Variants in CAMSAP2 observed in about 807,000 individuals in gnomAD.
CAMSAP2 encodes the protein calmodulin regulated spectrin associated protein family member 2, also known as calmodulin-regulated spectrin-associated protein 2.
CAMSAP2 carries 26 observed loss-of-function variants against 146.1 expected under a neutral mutation model. That is an observed-to-expected ratio of 0.18 (90% CI 0.13 to 0.25). CAMSAP2 has a LOEUF of 0.25. Ranked by LOEUF, CAMSAP2 falls within the 10% of genes least tolerant of loss-of-function variation. CAMSAP2 has a pLI of 1.00. For missense variants in CAMSAP2, 1,381 were observed against 1,759.3 expected (o/e 0.78, Z 3.85); for synonymous variants, 499 against 596.6 (o/e 0.84, Z 2.38).
chr1:200,801,992 G>T (rs912878499), intron 2 of CAMSAP2, among the ~76,000 whole-genome samples: 3 of 152,168 alleles, frequency 2.0e-5, no homozygotes, highest in Non-Finnish European at 4.4e-5. Flanking sequence ...GTAATACTAT[G>T]GTGGCAATAG....
intron 7 of CAMSAP2, among the ~76,000 whole-genome samples, chr1:200,843,363 A>G (rs60302916): frequency 0.17 from 26,101 of 152,156 alleles, 2,987 homozygotes; most frequent in East Asian, 0.35. Context: ...AATCTGTGAA[A>G]TAAGCAATAA....
At position 200,757,433 on chromosome 1, in the gene CAMSAP2, A is replaced by G. The variant is rs183697786; in HGVS notation, c.140-3406A>G. 4.9e-3 allele frequency among the ~76,000 whole-genome samples: 740 copies of G among 152,344 alleles called. 1 individual carries two copies. Among genetic ancestry groups the G allele is most frequent in the Non-Finnish European group, 7.3e-3 (495 of 68,028 alleles). The stretch of plus-strand genomic sequence containing the variant: ...TTATGTTCTGCTTAAGTCATGGTAT[A>G]CAAGAAAAACTCATCTCATATCCTT... On this transcript the variant is annotated intron_variant, in intron 1 of 16. Coordinates refer to ENST00000358823, the MANE Select transcript of CAMSAP2 (RefSeq NM_203459.4).
At chr1:200,741,018 G>T (rs1664156574) in intron 1 of CAMSAP2, among the ~76,000 whole-genome samples, 1 of 152,246 alleles carries the variant, frequency 6.6e-6, no homozygotes, top group Admixed American at 6.5e-5. Flanking sequence ...TTCAGGGGGA[G>T]GGTGACTAAT....
intron 2 of CAMSAP2, among the ~76,000 whole-genome samples, chr1:200,788,379 C>T (rs1166986712): frequency 1.3e-5 from 2 of 152,136 alleles, no homozygotes; most frequent in Non-Finnish European, 2.9e-5. Context: ...AAGTTTTCAG[C>T]TCCTATAGGT....
chr1:200,765,753 A>G (rs946003318), intron 2 of CAMSAP2, among the ~76,000 whole-genome samples: 6 of 152,192 alleles, frequency 3.9e-5, no homozygotes, highest in African/African-American at 1.4e-4. Flanking sequence ...ATGGGATTTC[A>G]GTAGTTGGGA....
At chr1:200,773,639 G>A (rs992880913) in intron 2 of CAMSAP2, among the ~76,000 whole-genome samples, 4 of 152,078 alleles carry the variant, frequency 2.6e-5, no homozygotes, top group Admixed American at 6.6e-5. Flanking sequence ...GTAAGTTAGC[G>A]TCAGTGTCTG....
chr1:200,806,793 C>G (rs1452264508), intron 2 of CAMSAP2, among the ~76,000 whole-genome samples: 2 of 151,240 alleles, frequency 1.3e-5, no homozygotes, highest in Non-Finnish European at 2.9e-5. Context: ...ATCTATCTAT[C>G]TATCTATCTA....
At chr1:200,822,492 A>G (rs1454734098) in intron 4 of CAMSAP2, among the ~76,000 whole-genome samples, 2 of 152,076 alleles carry the variant, frequency 1.3e-5, no homozygotes, top group Admixed American at 6.5e-5. Context: ...TTTCCTCATT[A>G]TTAGATGAAG....
Position 200,739,352 on chromosome 1 carries a change from G to A in CAMSAP2, c.-476G>A, listed in dbSNP as rs1281323582. On this transcript the variant is annotated 5_prime_UTR_variant, in exon 1 of 17. Transcript: ENST00000358823. The surrounding 1 kb of genome is among the most constrained non-coding windows in gnomAD (Gnocchi z 4.8). The stretch of plus-strand genomic sequence containing the variant: ...CCCCGCTCCGAGGGAAGGGGAGAGG[G>A]AGGCGAGGGCGTGCGGGCATCGCGA... Among the ~76,000 whole-genome samples, 1 of 152,182 alleles carries A rather than the reference G, an allele frequency of 6.6e-6. No homozygotes were observed. Among genetic ancestry groups the A allele is most frequent in the African/African-American group, 2.4e-5 (1 of 41,448 alleles).
intron 15 of CAMSAP2, among the ~76,000 whole-genome samples, chr1:200,856,420 C>T (rs1667754189): frequency 6.6e-6 from 1 of 152,180 alleles, no homozygotes; most frequent in African/African-American, 2.4e-5. Context: ...GGCTAGAATC[C>T]ACCAAGTCCT....
At chr1:200,780,630 G>T (rs1363243357) in intron 2 of CAMSAP2, among the ~76,000 whole-genome samples, 1 of 152,168 alleles carries the variant, frequency 6.6e-6, no homozygotes, top group Non-Finnish European at 1.5e-5. Flanking sequence ...CACCTCTAAG[G>T]CATGCTAATA....
chr1:200,841,179 T>A (rs2102234782), intron 6 of CAMSAP2, among the ~76,000 whole-genome samples: 1 of 152,332 alleles, frequency 6.6e-6, no homozygotes, highest in Non-Finnish European at 1.5e-5. Flanking sequence ...AAATTAGCTA[T>A]AAAAATTTAG....
intron 4 of CAMSAP2, among the ~76,000 whole-genome samples, chr1:200,829,667 C>T (rs556603407): frequency 1.4e-4 from 22 of 151,986 alleles, no homozygotes; most frequent in African/African-American, 4.6e-4. Context: ...GTGGCTCACG[C>T]GCATAATCCC....
At chr1:200,744,784 G>A (rs1460569751) in intron 1 of CAMSAP2, among the ~76,000 whole-genome samples, 1 of 152,096 alleles carries the variant, frequency 6.6e-6, no homozygotes, top group African/African-American at 2.4e-5. Flanking sequence ...GGAGGAAATG[G>A]TTTGTGTGTA....
chr1:200,821,249 C>T (rs1180553532), intron 4 of CAMSAP2, among the ~76,000 whole-genome samples: 1 of 151,060 alleles, frequency 6.6e-6, no homozygotes, highest in Non-Finnish European at 1.5e-5. Flanking sequence ...GTAGCGAGAT[C>T]ATGGCTCACT....
At chr1:200,824,045 C>G (rs751651213) in intron 4 of CAMSAP2, among the ~76,000 whole-genome samples, 1 of 152,044 alleles carries the variant, frequency 6.6e-6, no homozygotes, top group Non-Finnish European at 1.5e-5. Flanking sequence ...TGGATATGCC[C>G]CAATCCTTTT....
At chr1:200,776,643 G>T (rs1665287073) in intron 2 of CAMSAP2, among the ~76,000 whole-genome samples, 1 of 152,114 alleles carries the variant, frequency 6.6e-6, no homozygotes. Flanking sequence ...AGAACCACTT[G>T]AACCTGGGAG....
intron 2 of CAMSAP2, among the ~76,000 whole-genome samples, chr1:200,806,757 G>C (rs1368659131): frequency 2.2e-5 from 3 of 134,828 alleles, no homozygotes; most frequent in African/African-American, 8.0e-5. Context: ...GTGTGTGTGT[G>C]TGTGTGTGTA....
intron 6 of CAMSAP2, among the ~76,000 whole-genome samples, chr1:200,838,843 G>A (rs973071434): frequency 9.2e-5 from 14 of 152,172 alleles, no homozygotes; most frequent in African/African-American, 3.1e-4. Flanking sequence ...GAGAGAAGTT[G>A]GTGAATTCCA....
Sources: allele counts gnomAD v4.1 joint callset (sites outside exome capture counted in the v4.1 genomes callset), GRCh38; gene constraint gnomAD v4.1.1; non-coding constraint Gnocchi (gnomAD v3.1); transcripts MANE v1.5; gene names NCBI Gene and HGNC (gene_info 2026-07-23, HGNC 2026-07-21).